KCNN4: variants seen among roughly 807,000 people sequenced by gnomAD.
KCNN4 encodes the protein potassium calcium-activated channel subfamily N member 4, also known as intermediate conductance calcium-activated potassium channel protein 4.
KCNN4 carries 31 observed loss-of-function variants against 45.2 expected under a neutral mutation model. The ratio of observed to expected loss-of-function variants is 0.69; its 90% CI spans 0.52 to 0.92. KCNN4 has a LOEUF of 0.92. Ranked by LOEUF, KCNN4 falls within the 40% of genes least tolerant of loss-of-function variation. The probability of loss-of-function intolerance (pLI) is 0.00; values close to 1 mark genes in which losing one functional copy is unlikely to be tolerated. For missense variants in KCNN4, 463 were observed against 574.0 expected (o/e 0.81, Z 1.98); for synonymous variants, 231 against 254.6 (o/e 0.91, Z 0.88).
In KCNN4 at chr19:43,771,427, C is replaced by T. The variant is rs182284683; in HGVS notation, c.819+573G>A. Among the ~76,000 whole-genome samples, 488 of 152,230 alleles carry T rather than the reference C, an allele frequency of 3.2e-3. 1 individual carries two copies. The highest frequency in any genetic ancestry group is 0.017 in the Middle Eastern group (5 of 294). On this transcript the variant is annotated intron_variant, in intron 4 of 8. Coordinates refer to ENST00000648319, the MANE Select transcript of KCNN4 (RefSeq NM_002250.3). ...TTTATAGATGAGGAAAGTGAGGCCC[C>T]GAGAGATCACGTGGCTCGCCTGAGC...
rs1969815143 is a variant in KCNN4 at position 43,776,661 on chromosome 19, G to C, written c.160-25C>G. On this transcript the variant is annotated intron_variant, in intron 1 of 8. Transcript: ENST00000648319. ...ACTGTCAGGGGGGACGGAAAAAGCG[G>C]TGTGAGATCCCAGGTCTCCCTCCGC... 2.7e-6 allele frequency: 4 copies of C among 1,506,720 alleles called. No individual in the cohort carries two copies. The Admixed American group carries it at 5.0e-5, about 19-fold the overall frequency. 93.3% of individuals were successfully genotyped at this position (1,506,720 alleles called of 1,614,324 possible).
Position 43,772,153 on chromosome 19 carries a change from T to C in KCNN4, c.684-18A>G. 6.2e-7 allele frequency: 1 copy of C among 1,612,414 alleles called. No homozygotes were observed. The highest frequency in any genetic ancestry group is 8.5e-7 in the Non-Finnish European group (1 of 1,179,440). ...CAGCCTGCCTATGGGGAAGGGTAGG[T>C]TAGTTCTAAAACCCCACCATAGAGG... On this transcript the variant is annotated intron_variant, in intron 3 of 8. Transcript: ENST00000648319. The surrounding 1 kb of genome is among the most constrained non-coding windows in gnomAD (Gnocchi z 4.4).
intron 3 of KCNN4, among the ~76,000 whole-genome samples, chr19:43,773,760 T>A (rs570884224): frequency 2.0e-5 from 3 of 152,182 alleles, no homozygotes; most frequent in Non-Finnish European, 4.4e-5. Context: ...AATCATCCCC[T>A]TCCTAGGATC....
At chr19:43,776,127 C>CAAAAAA (rs59704354) in intron 2 of KCNN4, among the ~76,000 whole-genome samples, 3 of 40,986 alleles carry the variant, frequency 7.3e-5, no homozygotes, top group South Asian at 1.5e-3. Flanking sequence ...GACCTTGTCT[C>CAAAAAA]AAAAAAAAAA....
Position 43,774,683 on chromosome 19 carries a change from C to G in KCNN4, c.256-64G>C. The G allele has an allele frequency of 7.3e-7, 1 of 1,378,906 alleles. No homozygotes were observed. The highest frequency in any genetic ancestry group is 9.5e-7 in the Non-Finnish European group (1 of 1,057,644). The allele number at this position is 1,378,906 out of a possible 1,614,324, so 85.4% of individuals were successfully genotyped here. On this transcript the variant is annotated intron_variant, in intron 2 of 8. Coordinates refer to ENST00000648319, the MANE Select transcript of KCNN4 (RefSeq NM_002250.3). The surrounding 1 kb of genome is among the most constrained non-coding windows in gnomAD (Gnocchi z 5.6). ...GGTCAGGCGCAGGTCAGGCGGCGGC[C>G]CGCGCCTGCCTGCGCCCTGAGATAA...
Position 43,774,784 on chromosome 19 carries a change from G to A in KCNN4, c.256-165C>T, listed in dbSNP as rs1386596539. Among the ~76,000 whole-genome samples the A allele has an allele frequency of 6.6e-6, 1 of 152,136 alleles. No homozygotes were observed. Among genetic ancestry groups the A allele is most frequent in the Non-Finnish European group, 1.5e-5 (1 of 68,022 alleles). ...ATAGGGAGGGAGCGGGACAGGACTT[G>A]AGGAAGACATCTTTCCACTTTTTCC... On this transcript the variant is annotated intron_variant, in intron 2 of 8. Coordinates refer to ENST00000648319, the MANE Select transcript of KCNN4 (RefSeq NM_002250.3). This position sits in a 1 kb window ranked among gnomAD's most constrained non-coding sequence, Gnocchi z 5.6.
In KCNN4 at chr19:43,777,326, GGTGT is replaced by G. The variant is rs886463877; in HGVS notation, c.160-694_160-691del. Among the ~76,000 whole-genome samples, 146 of 141,512 alleles carry G rather than the reference GGTGT, an allele frequency of 1.0e-3. 1 individual carries two copies. The highest frequency in any genetic ancestry group is 1.9e-3 in the Admixed American group (26 of 14,050). The allele number at this position is 141,512 out of a possible 152,430, so 92.8% of individuals were successfully genotyped here. ...GTGTGTGTGTGTGTGTGTGTGTGTGGGTGTGTGTGTGTGGTGTCTAGAAAAAGAC... is the reference window on the plus strand; with the variant it reads ...GTGTGTGTGTGTGTGTGTGTGTGTGGGTGTGTGTGGTGTCTAGAAAAAGAC... On this transcript the variant is annotated intron_variant, in intron 1 of 8. Transcript: ENST00000648319.
Position 43,767,024 on chromosome 19 carries a change from G to A in KCNN4, c.*69C>T, listed in dbSNP as rs963807001. ...GGTGCTTTGTTCAGGGCTGGGTCAGGAGTGGCAGAGACGATGTCCACCACC... is the reference window on the plus strand; with the variant it reads ...GGTGCTTTGTTCAGGGCTGGGTCAGAAGTGGCAGAGACGATGTCCACCACC... On this transcript the variant is annotated 3_prime_UTR_variant, in exon 9 of 9. Transcript: ENST00000648319. 2 of 159,512 alleles carry A rather than the reference G, an allele frequency of 1.3e-5. No homozygotes were observed. The highest frequency in any genetic ancestry group is 1.2e-4 in the Admixed American group (2 of 16,596). 9.9% of individuals were successfully genotyped at this position (159,512 alleles called of 1,614,324 possible). A position where few individuals can be genotyped will look rare whatever the true frequency, so the allele number is the denominator to read the frequency against.
At chr19:43,767,391 C>T in intron 8 of KCNN4, 149 bp downstream of exon 8, 1 of 984,428 alleles carries the variant, frequency 1.0e-6, no homozygotes, top group South Asian at 1.7e-5. Context: ...CAGCCCCGAA[C>T]TGAGTCCTTT....
Position 43,769,195 on chromosome 19 carries a change from C to T in KCNN4, c.1050-163G>A, listed in dbSNP as rs999478041. 2.2e-5 allele frequency: 17 copies of T among 779,838 alleles called. No homozygotes were observed. The highest frequency in any genetic ancestry group is 3.6e-5 in the Non-Finnish European group (17 of 468,372). The allele number at this position is 779,838 out of a possible 1,614,324, so 48.3% of individuals were successfully genotyped here. A position where few individuals can be genotyped will look rare whatever the true frequency, so the allele number is the denominator to read the frequency against. On this transcript the variant is annotated intron_variant, in intron 6 of 8. Transcript: ENST00000648319. This position sits in a 1 kb window ranked among gnomAD's most constrained non-coding sequence, Gnocchi z 4.4. ...GGAGGGGATGCACCCTGCCTCCCCA[C>T]GAGCCCCCATCCCCAGTAGAAACCC... is the stretch of plus-strand genomic sequence containing the variant.
intron 7 of KCNN4, among the ~76,000 whole-genome samples, chr19:43,768,020 T>C (rs1969531000): frequency 6.6e-6 from 1 of 152,200 alleles, no homozygotes; most frequent in Non-Finnish European, 1.5e-5. Flanking sequence ...ACCTAGAACA[T>C]AGCAGGTGCT....
intron 1 of KCNN4, among the ~76,000 whole-genome samples, chr19:43,779,028 T>G (rs1287503842): frequency 6.6e-6 from 1 of 152,184 alleles, no homozygotes; most frequent in Admixed American, 6.5e-5. Flanking sequence ...GTCCCATCTC[T>G]ACATAAAATA....
At chr19:43,775,920 A>G (rs1969788083) in intron 2 of KCNN4, among the ~76,000 whole-genome samples, 1 of 152,008 alleles carries the variant, frequency 6.6e-6, no homozygotes, top group Non-Finnish European at 1.5e-5. Flanking sequence ...TGAGCTCAGT[A>G]GTTGGAGACC....
Position 43,774,127 on chromosome 19 carries a change from C to T in KCNN4, c.683+65G>A. The T allele has an allele frequency of 2.7e-6, 4 of 1,499,848 alleles. No homozygotes were observed. The highest frequency in any genetic ancestry group is 3.6e-6 in the Non-Finnish European group (4 of 1,109,996). The allele number at this position is 1,499,848 out of a possible 1,614,324, so 92.9% of individuals were successfully genotyped here. A position where few individuals can be genotyped will look rare whatever the true frequency, so the allele number is the denominator to read the frequency against. The stretch of plus-strand genomic sequence containing the variant: ...TAGGGGGCCTCAACCTGCACCGCGG[C>T]ACAGGACGGCCGCCGTGGCTGTCCG... On this transcript the variant is annotated intron_variant, in intron 3 of 8. Coordinates refer to ENST00000648319, the MANE Select transcript of KCNN4 (RefSeq NM_002250.3). The surrounding 1 kb of genome is among the most constrained non-coding windows in gnomAD (Gnocchi z 5.6).
chr19:43,767,384 C>A, intron 8 of KCNN4, 156 bp downstream of exon 8: 1 of 898,996 alleles, frequency 1.1e-6, no homozygotes. Context: ...GCCAGTCCAG[C>A]CCCGAACTGA....
In KCNN4 at chr19:43,769,277, A is replaced by T; in HGVS notation, c.1049+165T>A. On this transcript the variant is annotated intron_variant, in intron 6 of 8. Transcript: ENST00000648319. The surrounding 1 kb of genome is among the most constrained non-coding windows in gnomAD (Gnocchi z 4.4). Reference sequence around the variant, plus strand: ...TGCGGAGACAAACCAGCACAGACACATAGAGTCATGCACGGTCAGATCCAG... The same window carrying T: ...TGCGGAGACAAACCAGCACAGACACTTAGAGTCATGCACGGTCAGATCCAG... 1.5e-6 allele frequency: 1 copy of T among 689,254 alleles called. No individual in the cohort carries two copies. Among genetic ancestry groups the T allele is most frequent in the South Asian group, 1.7e-5 (1 of 59,622 alleles). The allele number at this position is 689,254 out of a possible 1,614,324, so 42.7% of individuals were successfully genotyped here. A position where few individuals can be genotyped will look rare whatever the true frequency, so the allele number is the denominator to read the frequency against.
intron 7 of KCNN4, among the ~76,000 whole-genome samples, chr19:43,768,588 T>A (rs548768477): frequency 6.6e-6 from 1 of 152,244 alleles, no homozygotes; most frequent in Non-Finnish European, 1.5e-5. Context: ...TTCATTTTAA[T>A]TGTATTGGTT....
At chr19:43,771,136 A>G (rs954522350) in intron 4 of KCNN4, among the ~76,000 whole-genome samples, 8 of 143,980 alleles carry the variant, frequency 5.6e-5, no homozygotes, top group African/African-American at 2.0e-4. Context: ...AGAGGGGGCC[A>G]GGGCTGGGTG....
intron 1 of KCNN4, among the ~76,000 whole-genome samples, chr19:43,780,202 C>T (rs539348907): frequency 5.2e-4 from 79 of 152,122 alleles, no homozygotes; most frequent in East Asian, 1.9e-3. Flanking sequence ...GACCTCTGGC[C>T]GTCTAATGGC....
Sources: gnomAD v4.1 joint callset for allele counts (sites outside exome capture counted in the v4.1 genomes callset) on GRCh38, gnomAD v4.1.1 for gene constraint, Gnocchi (gnomAD v3.1) non-coding constraint, MANE v1.5 for transcripts, NCBI Gene and HGNC (gene_info 2026-07-23, HGNC 2026-07-21) for gene names.